Variants in TMPRSS7 observed in about 807,000 individuals in gnomAD.
The protein encoded by TMPRSS7 is transmembrane protease serine 7.
Under a neutral mutation model 95.6 loss-of-function variants are expected in TMPRSS7, and 81 were observed. The ratio of observed to expected loss-of-function variants is 0.85; its 90% CI spans 0.71 to 1.02. The LOEUF is 1.02. Among genes scored for constraint, TMPRSS7 ranks in the 50% least tolerant of loss-of-function variants. The pLI is 0.00. For missense variants in TMPRSS7, 945 were observed against 955.2 expected (o/e 0.99, Z 0.14); for synonymous variants, 364 against 337.8 (o/e 1.08, Z -0.85).
At chr3:112,050,965 A>G (rs1312271549) in intron 9 of TMPRSS7, among the ~76,000 whole-genome samples, 182 bp downstream of exon 9, 2 of 152,164 alleles carry the variant, frequency 1.3e-5, no homozygotes, top group Non-Finnish European at 2.9e-5. Context: ...CCACAAATTA[A>G]CTACTCTTAG....
At chr3:112,051,264 A>ATAACAACTATAT (rs2073345124) in intron 9 of TMPRSS7, among the ~76,000 whole-genome samples, 1 of 152,190 alleles carries the variant, frequency 6.6e-6, no homozygotes, top group Non-Finnish European at 1.5e-5. Context: ...AATAAAAAAC[A>ATAACAACTATAT]ATACAATATA....
At chr3:112,067,264 A>C (rs1429702398) in intron 13 of TMPRSS7, among the ~76,000 whole-genome samples, 1 of 152,152 alleles carries the variant, frequency 6.6e-6, no homozygotes, top group African/African-American at 2.4e-5. Flanking sequence ...AGTCTTTGCT[A>C]TTGTGAATAG....
At chr3:112,063,302 A>AAT (rs1260845867) in intron 11 of TMPRSS7, among the ~76,000 whole-genome samples, 3 of 152,210 alleles carry the variant, frequency 2.0e-5, no homozygotes, top group African/African-American at 7.2e-5. Context: ...TGCAGTGCTC[A>AAT]CAGAGAGCTC....
At chr3:112,051,248 AAC>A (rs918950818) in intron 9 of TMPRSS7, among the ~76,000 whole-genome samples, 2 of 152,202 alleles carry the variant, frequency 1.3e-5, no homozygotes, top group Non-Finnish European at 2.9e-5. Context: ...AATAAACAAT[AAC>A]ACAAATAAAA....
intron 13 of TMPRSS7, among the ~76,000 whole-genome samples, chr3:112,070,732 G>A (rs537108304): frequency 6.6e-5 from 10 of 152,226 alleles, no homozygotes; most frequent in African/African-American, 2.4e-4. Flanking sequence ...CTCTGTACAT[G>A]AGATGGGTCT....
At chr3:112,054,552 A>G (rs528225408) in intron 9 of TMPRSS7, among the ~76,000 whole-genome samples, 5 of 152,150 alleles carry the variant, frequency 3.3e-5, no homozygotes, top group Admixed American at 1.3e-4. Context: ...TCTTTTCACT[A>G]TGGAGGAACT....
chr3:112,058,099 A>G (rs904914480), intron 10 of TMPRSS7, among the ~76,000 whole-genome samples: 3 of 152,216 alleles, frequency 2.0e-5, no homozygotes, highest in African/African-American at 7.2e-5. Flanking sequence ...CTTTCAGAGA[A>G]TTCTGTTAAG....
chr3:112,076,732 G>C lies in TMPRSS7; in HGVS notation c.1956-144G>C, dbSNP rs879237731. ...GCTCACAGTTACGCTTTCTGCCATG[G>C]TCCCCGGACAAAGCCAGTGACTATA... On this transcript the variant is annotated intron_variant, in intron 15 of 17. Transcript: ENST00000452346. 2.1e-5 allele frequency: 20 copies of C among 948,990 alleles called. No homozygotes were observed. In the South Asian group the frequency reaches 2.8e-4, roughly 13 times the overall value. The allele number at this position is 948,990 out of a possible 1,614,324, so 58.8% of individuals were successfully genotyped here.
chr3:112,053,873 C>T (rs2073396660), intron 9 of TMPRSS7, among the ~76,000 whole-genome samples: 1 of 152,162 alleles, frequency 6.6e-6, no homozygotes, highest in Admixed American at 6.5e-5. Flanking sequence ...GAACATTTAC[C>T]ACCTCCCTTC....
At chr3:112,070,650 C>T (rs2073634788) in intron 13 of TMPRSS7, among the ~76,000 whole-genome samples, 1 of 152,148 alleles carries the variant, frequency 6.6e-6, no homozygotes, top group Non-Finnish European at 1.5e-5. Context: ...AGGATTGCAA[C>T]CTCTGCTTTT....
intron 2 of TMPRSS7, among the ~76,000 whole-genome samples, chr3:112,038,632 GGGCTAACT>G (rs141304107): frequency 0.29 from 43,495 of 151,668 alleles, 7,175 homozygotes; most frequent in Middle Eastern, 0.38. Flanking sequence ...CAGCACACCT[GGGCTAACT>G]GGCTAACTTT....
At chr3:112,039,315 A>G (rs1159031135) in intron 2 of TMPRSS7, among the ~76,000 whole-genome samples, 1 of 152,236 alleles carries the variant, frequency 6.6e-6, no homozygotes, top group Non-Finnish European at 1.5e-5. Context: ...AGCTTCTAAC[A>G]TTCTGTAACT....
intron 3 of TMPRSS7, among the ~76,000 whole-genome samples, chr3:112,043,417 G>A (rs755028751): frequency 3.9e-5 from 6 of 152,012 alleles, no homozygotes; most frequent in Non-Finnish European, 7.4e-5. Flanking sequence ...CCAAGGAGGT[G>A]GGTGTTTTGA....
chr3:112,075,768 G>A (rs558821740), intron 15 of TMPRSS7, among the ~76,000 whole-genome samples: 3 of 152,320 alleles, frequency 2.0e-5, no homozygotes, highest in African/African-American at 7.2e-5. Context: ...TTAAGAGAAT[G>A]TGTGGAGAAT....
At chr3:112,047,227 C>T (rs1170636223) in intron 6 of TMPRSS7, among the ~76,000 whole-genome samples, 3 of 152,150 alleles carry the variant, frequency 2.0e-5, no homozygotes, top group African/African-American at 7.2e-5. Context: ...AGTCTAGGAT[C>T]TAAAATAAAA....
intron 5 of TMPRSS7, among the ~76,000 whole-genome samples, chr3:112,046,534 C>A (rs931459980): frequency 6.6e-6 from 1 of 152,034 alleles, no homozygotes; most frequent in East Asian, 1.9e-4. Context: ...GTATATTATA[C>A]ACACACACAT....
chr3:112,075,636 A>G, intron 15 of TMPRSS7, 144 bp downstream of exon 15: 1 of 673,974 alleles, frequency 1.5e-6, no homozygotes, highest in Non-Finnish European at 2.2e-6. Context: ...CACGTGTGTG[A>G]CAAACATTTT....
chr3:112,075,380 G>T, exon 15 of TMPRSS7: 2 of 1,520,560 alleles, frequency 1.3e-6, no homozygotes, highest in Non-Finnish European at 1.8e-6. Flanking sequence ...CACCCTGGAG[G>T]GGGGTTGGCC....
intron 9 of TMPRSS7, among the ~76,000 whole-genome samples, chr3:112,051,561 ATC>A (rs2073351334): frequency 6.8e-6 from 1 of 146,236 alleles, no homozygotes; most frequent in African/African-American, 2.7e-5. Flanking sequence ...CTATCTATCT[ATC>A]TATGTATCTA....
Sources: allele counts gnomAD v4.1 joint callset (sites outside exome capture counted in the v4.1 genomes callset), GRCh38; gene constraint gnomAD v4.1.1; transcripts MANE v1.5; gene names NCBI Gene and HGNC (gene_info 2026-07-23, HGNC 2026-07-21).